TRPM7: variants seen among roughly 807,000 people sequenced by gnomAD.
The protein encoded by TRPM7 is transient receptor potential cation channel subfamily M member 7.
Under a neutral mutation model 229.7 loss-of-function variants are expected in TRPM7, and 134 were observed. The observed-to-expected ratio is 0.58, with a 90% CI of 0.51 to 0.67. The LOEUF is 0.67. TRPM7 is among the 30% of genes least tolerant of loss of function. The pLI is 0.00. For missense variants in TRPM7, 1,901 were observed against 2,210.0 expected (o/e 0.86, Z 2.80); for synonymous variants, 699 against 715.2 (o/e 0.98, Z 0.36).
At chr15:50,591,513 TAGAGACAGG>T (rs1221191908) in intron 26 of TRPM7, among the ~76,000 whole-genome samples, 2 of 150,982 alleles carry the variant, frequency 1.3e-5, no homozygotes, top group Admixed American at 1.3e-4. Context: ...ATTTCATTTC[TAGAGACAGG>T]GTCTCATTCT....
chr15:50,682,899 C>T (rs187605821), intron 1 of TRPM7, among the ~76,000 whole-genome samples: 4,546 of 143,338 alleles, frequency 0.032, 224 homozygotes, highest in African/African-American at 0.11. Flanking sequence ...CGGTACCAAA[C>T]TTTTTTTTTT....
chr15:50,677,541 C>A (rs898278400), intron 1 of TRPM7, among the ~76,000 whole-genome samples: 29 of 151,634 alleles, frequency 1.9e-4, no homozygotes, highest in African/African-American at 6.8e-4. Context: ...AAGTTTGAGA[C>A]CAGCCTGACC....
chr15:50,604,936 T>C lies in TRPM7; in HGVS notation c.2918A>G (p.Tyr973Cys). The change falls in exon 21 of 39, where the codon TAT becomes TGT. Residue 973 changes from tyrosine (Y) to cysteine (C), a missense_variant. By Grantham distance (194) the Tyr-to-Cys change is radical. This residue lies in a region of TRPM7 where 207 missense variants were observed against 241.5 expected (regional missense o/e 0.86). Coordinates refer to ENST00000646667, the MANE Select transcript of TRPM7 (RefSeq NM_017672.6). ...AGCTAGAAAATCTAGCAAACGCACA[T>C]ACCAAAATATTATGTTAAGACAGTA... is the stretch of plus-strand genomic sequence containing the variant. ...LIYCLNIIFW[Y>C]VRLLDFLAVN... is the part of the protein sequence containing the mutation. 6.2e-7 allele frequency: 1 copy of C among 1,613,786 alleles called. No individual in the cohort carries two copies. The highest frequency in any genetic ancestry group is 8.5e-7 in the Non-Finnish European group (1 of 1,179,868).
chr15:50,613,892 T>C (rs371063758), intron 14 of TRPM7, 51 bp from the exon 15 acceptor site: 26 of 1,578,930 alleles, frequency 1.6e-5, no homozygotes, highest in Non-Finnish European at 2.1e-5. Flanking sequence ...GCTGACATGT[T>C]ATAAAAATTC....
At chr15:50,638,216 G>A (rs1230308578) in intron 6 of TRPM7, among the ~76,000 whole-genome samples, 5 of 150,962 alleles carry the variant, frequency 3.3e-5, no homozygotes, top group East Asian at 3.9e-4. Flanking sequence ...AAAATTAGCC[G>A]GGCGTGGTAG....
chr15:50,613,699 A>G lies in TRPM7; in HGVS notation c.1770+8T>C, dbSNP rs2060130205. The G allele has an allele frequency of 1.3e-6, 2 of 1,525,760 alleles. No individual in the cohort carries two copies. The highest frequency in any genetic ancestry group is 1.7e-4 in the Middle Eastern group (1 of 5,772). The allele number at this position is 1,525,760 out of a possible 1,614,324, so 94.5% of individuals were successfully genotyped here. The stretch of plus-strand genomic sequence containing the variant: ...AACCCAGAAAGAATAATATTTAAAT[A>G]AATTTACCTTTGGTCGGTAGGGCTG... On this transcript the variant is annotated splice_region_variant and intron_variant, in intron 15 of 38. Coordinates refer to ENST00000646667, the MANE Select transcript of TRPM7 (RefSeq NM_017672.6).
intron 3 of TRPM7, among the ~76,000 whole-genome samples, chr15:50,653,931 T>G (rs2061490760): frequency 6.6e-6 from 1 of 152,110 alleles, no homozygotes; most frequent in African/African-American, 2.4e-5. Flanking sequence ...AAGACATCAC[T>G]GAACCCCCTG....
intron 3 of TRPM7, among the ~76,000 whole-genome samples, chr15:50,649,434 A>G (rs2061356458): frequency 1.4e-5 from 2 of 144,936 alleles, no homozygotes; most frequent in Non-Finnish European, 3.1e-5. Context: ...CAAGACCCCA[A>G]CTCAAAAAAA....
chr15:50,654,184 T>C (rs2061495658), intron 3 of TRPM7, among the ~76,000 whole-genome samples: 1 of 152,094 alleles, frequency 6.6e-6, no homozygotes, highest in Non-Finnish European at 1.5e-5. Flanking sequence ...GTGCAGTGAC[T>C]CACACCATCC....
chr15:50,649,778 A>G (rs955839963), intron 3 of TRPM7, among the ~76,000 whole-genome samples: 1 of 152,184 alleles, frequency 6.6e-6, no homozygotes, highest in African/African-American at 2.4e-5. Flanking sequence ...AATCTTAAAA[A>G]TCAGATGAGA....
chr15:50,572,411 G>A (rs2053934295), intron 36 of TRPM7, among the ~76,000 whole-genome samples: 3 of 152,316 alleles, frequency 2.0e-5, no homozygotes, highest in African/African-American at 7.2e-5. Flanking sequence ...CTTGATGAAG[G>A]CTTAGATAAT....
chr15:50,678,541 T>TATATAC (rs1555435974), intron 1 of TRPM7, among the ~76,000 whole-genome samples: 1 of 136,542 alleles, frequency 7.3e-6, no homozygotes, highest in African/African-American at 2.9e-5. Flanking sequence ...TATATATATA[T>TATATAC]ACACACACAC....
chr15:50,643,025 C>T (rs866165767), intron 5 of TRPM7, among the ~76,000 whole-genome samples: 8 of 152,206 alleles, frequency 5.3e-5, no homozygotes, highest in African/African-American at 1.9e-4. Flanking sequence ...GGCGTGGTGG[C>T]TAATGCCTGT....
At position 50,561,823 on chromosome 15, in the gene TRPM7, C is replaced by A. The variant is rs1246107692; in HGVS notation, c.5468-15G>T. ...CCTCTTCAGATCTACATTGAACACCCACAACAATTAAAAAAAAAAAAGAAA... is the reference window on the plus strand; with the variant it reads ...CCTCTTCAGATCTACATTGAACACCAACAACAATTAAAAAAAAAAAAGAAA... On this transcript the variant is annotated splice_polypyrimidine_tract_variant and intron_variant, in intron 38 of 38. Coordinates refer to ENST00000646667, the MANE Select transcript of TRPM7 (RefSeq NM_017672.6). The A allele has an allele frequency of 2.7e-6, 4 of 1,497,798 alleles. No individual in the cohort carries two copies. The highest frequency in any genetic ancestry group is 1.5e-5 in the African/African-American group (1 of 65,632). 92.8% of individuals were successfully genotyped at this position (1,497,798 alleles called of 1,614,324 possible).
intron 12 of TRPM7, among the ~76,000 whole-genome samples, 174 bp from the exon 13 acceptor site, chr15:50,619,972 ATAATCT>A (rs1475135205): frequency 3.3e-5 from 5 of 152,232 alleles, no homozygotes; most frequent in Admixed American, 2.0e-4. Context: ...CAAAAAACAA[ATAATCT>A]TAAGAGTATC....
intron 1 of TRPM7, among the ~76,000 whole-genome samples, chr15:50,669,098 C>T (rs1275008803): frequency 6.6e-6 from 1 of 152,066 alleles, no homozygotes; most frequent in Non-Finnish European, 1.5e-5. Context: ...GAGAAATTTA[C>T]CCAATACATA....
Position 50,558,729 on chromosome 15 carries a change from A to AT in TRPM7, c.*2948_*2949insA, listed in dbSNP as rs1566919361. 1 of 143,894 alleles carries AT rather than the reference A, an allele frequency of 6.9e-6. No individual in the cohort carries two copies. The highest frequency in any genetic ancestry group is 1.6e-5 in the Non-Finnish European group (1 of 64,228). The allele number at this position is 143,894 out of a possible 1,614,324, so 8.9% of individuals were successfully genotyped here. A position where few individuals can be genotyped will look rare whatever the true frequency, so the allele number is the denominator to read the frequency against. On this transcript the variant is annotated 3_prime_UTR_variant, in exon 39 of 39. Transcript: ENST00000646667. ...AATAAATAAAAATGAAAAATAAAAA[A>AT]ATATATATATAAAATTAGGTACGTG...
rs372135134 is a variant in TRPM7 at position 50,648,854 on chromosome 15, C to G, written c.154G>C (p.Ala52Pro). 5 of 1,611,334 alleles carry G rather than the reference C, an allele frequency of 3.1e-6. No homozygotes were observed. In the African/African-American group the frequency reaches 6.7e-5, roughly 22 times the overall value. ...ATGGCAAGACTTGCAGTAAAACAAG[C>G]ATGTTGCTTGACCAAGCGACCACAA... is the stretch of plus-strand genomic sequence containing the variant. The part of the protein sequence containing the change: ...CFCGRLVKQH[A>P]CFTASLAMKY... Residue 52 changes from alanine (A) to proline (P), a missense_variant, in exon 4 of 39, where the codon GCT becomes CCT. Around this residue, in one of 8 missense-constraint regions of TRPM7, gnomAD observed 794 missense variants for 881.9 expected, o/e 0.90. Coordinates refer to ENST00000646667, the MANE Select transcript of TRPM7 (RefSeq NM_017672.6).
At chr15:50,679,536 ATAT>A (rs1277309613) in intron 1 of TRPM7, among the ~76,000 whole-genome samples, 4,931 of 48,216 alleles carry the variant, frequency 0.1, 92 homozygotes, top group Non-Finnish European at 0.13. Flanking sequence ...ATATATATAT[ATAT>A]TTTTTTTTTT....
Sources: allele counts gnomAD v4.1 joint callset (sites outside exome capture counted in the v4.1 genomes callset), GRCh38; gene constraint gnomAD v4.1.1; regional missense constraint gnomAD v4.1.1; transcripts MANE v1.5; gene names NCBI Gene and HGNC (gene_info 2026-07-23, HGNC 2026-07-21).